GRM7: variants seen among roughly 807,000 people sequenced by gnomAD.
The protein encoded by GRM7 is metabotropic glutamate receptor 7.
Under a neutral mutation model 84.5 loss-of-function variants are expected in GRM7, and 35 were observed. The observed-to-expected ratio is 0.41, with a 90% CI of 0.32 to 0.55. GRM7 has a LOEUF of 0.55. Ranked by LOEUF, GRM7 falls within the 20% of genes least tolerant of loss-of-function variation. The pLI is 0.19. For synonymous variants in GRM7, 487 were observed against 455.1 expected (o/e 1.07, Z -0.89); for missense variants, 1,003 against 1,194.6 (o/e 0.84, Z 2.36).
At chr3:7,644,874 G>C (rs996235434) in intron 8 of GRM7, among the ~76,000 whole-genome samples, 1 of 152,030 alleles carries the variant, frequency 6.6e-6, no homozygotes, top group Non-Finnish European at 1.5e-5. Context: ...TCCAGGTCAG[G>C]ACCAGAGCAT....
intron 5 of GRM7, among the ~76,000 whole-genome samples, chr3:7,438,349 TG>T (rs1697144376): frequency 1.3e-5 from 2 of 151,950 alleles, no homozygotes; most frequent in Non-Finnish European, 2.9e-5. Flanking sequence ...AATTTGGTCA[TG>T]GGTGAGATAT....
At chr3:7,169,344 C>T (rs1694908766) in intron 2 of GRM7, among the ~76,000 whole-genome samples, 1 of 152,188 alleles carries the variant, frequency 6.6e-6, no homozygotes. Context: ...CCAGTCAACA[C>T]TACGGCTCTT....
chr3:7,572,089 C>A (rs912804726), intron 7 of GRM7, among the ~76,000 whole-genome samples: 1 of 152,174 alleles, frequency 6.6e-6, no homozygotes, highest in African/African-American at 2.4e-5. Context: ...GTGGGAGTTA[C>A]AATTCATGAT....
intron 7 of GRM7, among the ~76,000 whole-genome samples, chr3:7,495,085 G>T (rs1328572629): frequency 6.6e-6 from 1 of 152,142 alleles, no homozygotes; most frequent in Admixed American, 6.6e-5. Context: ...TTAGCAGGAG[G>T]TAGCCACTGT....
intron 1 of GRM7, among the ~76,000 whole-genome samples, chr3:6,924,565 A>T (rs188264114): frequency 3.8e-4 from 58 of 152,272 alleles, no homozygotes; most frequent in Admixed American, 5.9e-4. Context: ...AACTCTACAT[A>T]TGTTAAGATA....
At chr3:7,209,879 G>A (rs954045238) in intron 2 of GRM7, among the ~76,000 whole-genome samples, 6 of 152,110 alleles carry the variant, frequency 3.9e-5, no homozygotes, top group South Asian at 2.1e-4. Context: ...AAGGATCAAC[G>A]GTCTCGGCAG....
chr3:7,007,108 T>G (rs1374941148), intron 1 of GRM7, among the ~76,000 whole-genome samples: 1 of 152,152 alleles, frequency 6.6e-6, no homozygotes, highest in East Asian at 1.9e-4. Flanking sequence ...TTAGCATTCT[T>G]AAATGATTAG....
At chr3:7,528,999 G>A (rs560332114) in intron 7 of GRM7, among the ~76,000 whole-genome samples, 1 of 152,150 alleles carries the variant, frequency 6.6e-6, no homozygotes, top group East Asian at 1.9e-4. Flanking sequence ...TAATTGTTGA[G>A]TAGTATGTTG....
intron 1 of GRM7, among the ~76,000 whole-genome samples, chr3:6,887,984 A>C (rs1218730242): frequency 6.6e-6 from 1 of 152,182 alleles, no homozygotes; most frequent in East Asian, 1.9e-4. Flanking sequence ...ATGGCCAGTG[A>C]TGGTGAGCAT....
intron 7 of GRM7, among the ~76,000 whole-genome samples, chr3:7,479,813 TCA>T (rs1440110273): frequency 1.3e-5 from 2 of 152,168 alleles, no homozygotes; most frequent in East Asian, 3.9e-4. Flanking sequence ...GCTCTGTAGT[TCA>T]CAGTCATAAC....
At chr3:7,085,715 G>A (rs1698432848) in intron 1 of GRM7, among the ~76,000 whole-genome samples, 1 of 152,102 alleles carries the variant, frequency 6.6e-6, no homozygotes, top group Admixed American at 6.6e-5. Context: ...TACTTGGAGG[G>A]CTTCAGTGGC....
chr3:6,909,076 T>C (rs1696679455), intron 1 of GRM7, among the ~76,000 whole-genome samples: 1 of 152,176 alleles, frequency 6.6e-6, no homozygotes, highest in Non-Finnish European at 1.5e-5. Flanking sequence ...CAAAAACTTA[T>C]GACCCTAGGT....
intron 7 of GRM7, among the ~76,000 whole-genome samples, chr3:7,547,449 G>A (rs556155524): frequency 2.0e-5 from 3 of 152,032 alleles, no homozygotes; most frequent in African/African-American, 7.2e-5. Context: ...CTCGTGATCT[G>A]CCCGCCTCGG....
At chr3:7,092,917 T>C (rs1698721411) in intron 1 of GRM7, among the ~76,000 whole-genome samples, 1 of 152,132 alleles carries the variant, frequency 6.6e-6, no homozygotes, top group Non-Finnish European at 1.5e-5. Context: ...ACCCCATTTC[T>C]ACATGTAATA....
chr3:6,929,348 C>T (rs1697417604), intron 1 of GRM7, among the ~76,000 whole-genome samples: 1 of 152,144 alleles, frequency 6.6e-6, no homozygotes, highest in African/African-American at 2.4e-5. Flanking sequence ...CATTTCAGGA[C>T]TTGCTTTGGA....
chr3:6,928,206 A>T lies in GRM7; in HGVS notation c.519+66299A>T, dbSNP rs1169022520. Among the ~76,000 whole-genome samples the T allele has an allele frequency of 6.6e-6, 1 of 151,948 alleles. No individual in the cohort carries two copies. The highest frequency in any genetic ancestry group is 1.5e-5 in the Non-Finnish European group (1 of 67,992). ...TTGCATTAACTGGGCATTTTCCCAAAATGTCCCTTGGAATTCCCCCAAAGA... is the reference window on the plus strand; with the variant it reads ...TTGCATTAACTGGGCATTTTCCCAATATGTCCCTTGGAATTCCCCCAAAGA... On this transcript the variant is annotated intron_variant, in intron 1 of 9. Transcript: ENST00000357716. The surrounding 1 kb of genome is among the most constrained non-coding windows in gnomAD (Gnocchi z 4.5).
intron 1 of GRM7, among the ~76,000 whole-genome samples, chr3:6,925,905 T>C (rs1227805246): frequency 6.6e-6 from 1 of 152,200 alleles, no homozygotes; most frequent in Non-Finnish European, 1.5e-5. Context: ...TGTAGTGTTT[T>C]TCCTATAAAT....
At position 7,006,559 on chromosome 3, in the gene GRM7, T is replaced by C. The variant is rs1695187980; in HGVS notation, c.520-139893T>C. Among the ~76,000 whole-genome samples, 3 of 152,218 alleles carry C rather than the reference T, an allele frequency of 2.0e-5. 1 individual carries two copies. Among genetic ancestry groups the C allele is most frequent in the Admixed American group, 2.0e-4 (3 of 15,276 alleles). On this transcript the variant is annotated intron_variant, in intron 1 of 9. Coordinates refer to ENST00000357716, the MANE Select transcript of GRM7 (RefSeq NM_000844.4). The stretch of plus-strand genomic sequence containing the variant: ...AGTTATTGTTTTGCCATAGTAATAA[T>C]ATAAGTCTTTGTGGCTAACAAATCC...
At chr3:7,642,601 C>T (rs1463905276) in intron 8 of GRM7, among the ~76,000 whole-genome samples, 2 of 152,092 alleles carry the variant, frequency 1.3e-5, no homozygotes, top group Admixed American at 6.6e-5. Flanking sequence ...GTATTAACCA[C>T]GTGAGTTCCA....
Sources: gnomAD v4.1 joint callset for allele counts (sites outside exome capture counted in the v4.1 genomes callset) on GRCh38, gnomAD v4.1.1 for gene constraint, Gnocchi (gnomAD v3.1) non-coding constraint, MANE v1.5 for transcripts, NCBI Gene and HGNC (gene_info 2026-07-23, HGNC 2026-07-21) for gene names.